Variants in UBA7 observed in about 807,000 individuals in gnomAD.
UBA7 encodes ubiquitin-like modifier-activating enzyme 7.
In UBA7, 88 loss-of-function variants were observed where a neutral mutation model predicts 113.0. The observed-to-expected ratio is 0.78, with a 90% CI of 0.66 to 0.93. The LOEUF (loss-of-function observed/expected upper bound fraction) is 0.93. Ranked by LOEUF, UBA7 falls within the 40% of genes least tolerant of loss-of-function variation. UBA7 has a pLI of 0.00. For missense variants in UBA7, 1,092 were observed against 1,266.4 expected (o/e 0.86, Z 2.09); for synonymous variants, 459 against 513.0 (o/e 0.89, Z 1.42).
In UBA7 at chr3:49,807,764, T is replaced by G. The variant is rs776678207; in HGVS notation, c.2687A>C (p.Tyr896Ser). The G allele has an allele frequency of 6.2e-7, 1 of 1,612,608 alleles. No homozygotes were observed. Among genetic ancestry groups the G allele is most frequent in the African/African-American group, 1.3e-5 (1 of 74,980 alleles). The change falls in exon 21 of 24, where the codon TAT (tyrosine) becomes TCT (serine). Residue 896 changes from tyrosine (Y) to serine (S), a missense_variant. Coordinates refer to ENST00000333486, the MANE Select transcript of UBA7 (RefSeq NM_003335.3). The surrounding 1 kb of genome is among the most constrained non-coding windows in gnomAD (Gnocchi z 4.0). ...LHLAENYLIR[Y>S]MPFAPAIQTF... ...CTGGATGGCTGGGGCAAAAGGCATA[T>G]AGCGGATGAGGTAGTTTTCAGCCAG... is the stretch of plus-strand genomic sequence containing the variant.
chr3:49,811,493 T>C (rs2081546301), intron 8 of UBA7, 38 bp from the exon 9 acceptor site: 2 of 1,551,780 alleles, frequency 1.3e-6, no homozygotes, highest in African/African-American at 2.7e-5. Context: ...AGCCCCAGCC[T>C]GAGCTCTACT....
Position 49,810,289 on chromosome 3 carries a change from G to A in UBA7, c.1607C>T (p.Ala536Val), listed in dbSNP as rs755638967. The change falls in exon 13 of 24, where the codon GCT becomes GTT. Residue 536 changes from alanine to valine, a missense_variant. Coordinates refer to ENST00000333486, the MANE Select transcript of UBA7 (RefSeq NM_003335.3). This position sits in a 1 kb window ranked among gnomAD's most constrained non-coding sequence, Gnocchi z 5.6. ...DNFFSRVDGV[A>V]AALDSFQARR... ...GGCCTGGAAACTGTCCAGGGCAGCA[G>A]CCACACCATCCACACGGGAGAAAAA... 1 of 1,613,968 alleles carries A rather than the reference G, an allele frequency of 6.2e-7. No individual in the cohort carries two copies. Among genetic ancestry groups the A allele is most frequent in the African/African-American group, 1.3e-5 (1 of 74,910 alleles).
chr3:49,809,505 C>T (rs751085138), intron 16 of UBA7, 37 bp downstream of exon 16: 1 of 1,613,792 alleles, frequency 6.2e-7, no homozygotes. Flanking sequence ...AGTCTGGTCC[C>T]CCTGAGCCCC....
At chr3:49,805,868 G>A (rs1482828201) in intron 23 of UBA7, 29 bp downstream of exon 23, 2 of 1,546,322 alleles carry the variant, frequency 1.3e-6, no homozygotes, top group Admixed American at 3.9e-5. Context: ...GGACTGGTGG[G>A]GCCTGTCTAA....
In UBA7 at chr3:49,810,205, A is replaced by C; in HGVS notation, c.1634-22T>G. ...CGCCCTGGCAAGGGAGCAGTGGGTC[A>C]GAAGTGGGACTGGCACAGCTGTGGG... On this transcript the variant is annotated intron_variant, in intron 13 of 23. Transcript: ENST00000333486. This position sits in a 1 kb window ranked among gnomAD's most constrained non-coding sequence, Gnocchi z 5.6. The C allele has an allele frequency of 6.2e-7, 1 of 1,612,786 alleles. No individual in the cohort carries two copies. The highest frequency in any genetic ancestry group is 1.1e-5 in the South Asian group (1 of 91,066).
In UBA7 at chr3:49,805,970, G is replaced by A. The variant is rs1215772359; in HGVS notation, c.2836C>T (p.Leu946=). Residue 946 remains leucine (L), a synonymous_variant, in exon 23 of 24, where the codon CTG becomes TTG. Transcript: ENST00000333486. ...QEQHGLRVRI[L]LHGSALLYAA... ...TAGAGCAGGGCTGAGCCGTGCAGCAGGATCCTCACCCTCAACCCGTGCTGC... is the reference window on the plus strand; with the variant it reads ...TAGAGCAGGGCTGAGCCGTGCAGCAAGATCCTCACCCTCAACCCGTGCTGC... 6.4e-7 allele frequency: 1 copy of A among 1,566,942 alleles called. No individual in the cohort carries two copies. The highest frequency in any genetic ancestry group is 1.2e-5 in the South Asian group (1 of 85,180).
chr3:49,813,330 C>T lies in UBA7; in HGVS notation c.279G>A (p.Glu93=), dbSNP rs757765910. The change falls in exon 3 of 24, where the codon GAG becomes GAA. Residue 93 remains glutamate (E), a synonymous_variant. Transcript: ENST00000333486. ...LERSRAEASQ[E]LLAQLNRAVQ... ...CAGCTCTGTTGAGCTGAGCCAAGAG[C>T]TCTTGAGAGGCCTCGGCTCTGCTCC... The T allele has an allele frequency of 4.2e-5, 68 of 1,614,094 alleles. No individual in the cohort carries two copies. Among genetic ancestry groups the T allele is most frequent in the Non-Finnish European group, 5.5e-5 (65 of 1,180,054 alleles).
In UBA7 at chr3:49,807,916, A is replaced by G; in HGVS notation, c.2535T>C (p.Ile845=). Residue 845 remains isoleucine (I), a synonymous_variant, in exon 21 of 24, where the codon ATT becomes ATC. Coordinates refer to ENST00000333486, the MANE Select transcript of UBA7 (RefSeq NM_003335.3). The surrounding 1 kb of genome is among the most constrained non-coding windows in gnomAD (Gnocchi z 4.0). ...PPVNRAQSKR[I]VGQIIPAIAT... is the part of the protein sequence containing the mutation. ...CAATGGCTGGGATAATCTGGCCCACAATTCGCTTGCTCTGCCAAGGACAAG... is the reference window on the plus strand; with the variant it reads ...CAATGGCTGGGATAATCTGGCCCACGATTCGCTTGCTCTGCCAAGGACAAG... 1 of 1,612,340 alleles carries G rather than the reference A, an allele frequency of 6.2e-7. No individual in the cohort carries two copies. The highest frequency in any genetic ancestry group is 1.1e-5 in the South Asian group (1 of 91,028).
chr3:49,813,166 C>G lies in UBA7; in HGVS notation c.363G>C (p.Val121=). 3 of 1,614,032 alleles carry G rather than the reference C, an allele frequency of 1.9e-6. No homozygotes were observed. The highest frequency in any genetic ancestry group is 2.2e-5 in the South Asian group (2 of 91,056). The change falls in exon 4 of 24, where the codon GTG becomes GTC. Residue 121 remains valine, a splice_region_variant and synonymous_variant. Coordinates refer to ENST00000333486, the MANE Select transcript of UBA7 (RefSeq NM_003335.3). Reference sequence around the variant, plus strand: ...CCAGCTTTGCAGCAGTCAGCACCACCACCTGGGTGGACACAGTGATCAGCA... The same window carrying G: ...CCAGCTTTGCAGCAGTCAGCACCACGACCTGGGTGGACACAGTGATCAGCA... The part of the protein sequence containing the change: ...ITEDLLLDFQ[V]VVLTAAKLEE...
intron 18 of UBA7, 70 bp from the exon 19 acceptor site, chr3:49,808,538 C>A: frequency 6.6e-7 from 1 of 1,523,036 alleles, no homozygotes; most frequent in South Asian, 1.2e-5. Context: ...AGCCCTGTGC[C>A]TATTCTTGGT....
chr3:49,810,230 G>A lies in UBA7; in HGVS notation c.1633+33C>T. On this transcript the variant is annotated intron_variant, in intron 13 of 23. Transcript: ENST00000333486. The surrounding 1 kb of genome is among the most constrained non-coding windows in gnomAD (Gnocchi z 5.6). ...AGAAGTGGGACTGGCACAGCTGTGG[G>A]CAAGGGACTGACCTCCGAAGTCAAG... The A allele has an allele frequency of 1.2e-6, 2 of 1,613,208 alleles. No individual in the cohort carries two copies. Among genetic ancestry groups the A allele is most frequent in the Non-Finnish European group, 1.7e-6 (2 of 1,179,544 alleles).
At chr3:49,808,285 G>T in intron 19 of UBA7, 101 bp downstream of exon 19, 1 of 1,541,612 alleles carries the variant, frequency 6.5e-7, no homozygotes, top group South Asian at 1.1e-5. Flanking sequence ...GGGTCTTGCT[G>T]GGAGAATTCA....
Position 49,810,216 on chromosome 3 carries a change from T to C in UBA7, c.1634-33A>G. On this transcript the variant is annotated intron_variant, in intron 13 of 23. Transcript: ENST00000333486. This position sits in a 1 kb window ranked among gnomAD's most constrained non-coding sequence, Gnocchi z 5.6. The stretch of plus-strand genomic sequence containing the variant: ...GGGAGCAGTGGGTCAGAAGTGGGAC[T>C]GGCACAGCTGTGGGCAAGGGACTGA... 6.2e-7 allele frequency: 1 copy of C among 1,612,588 alleles called. No homozygotes were observed. The highest frequency in any genetic ancestry group is 8.5e-7 in the Non-Finnish European group (1 of 1,179,070).
rs143175744 is a variant in UBA7, at chr3:49,810,395, G to A, written c.1501C>T (p.Arg501Trp). 367 of 1,614,008 alleles carry A rather than the reference G, an allele frequency of 2.3e-4. 1 individual carries two copies. Among genetic ancestry groups the A allele is most frequent in the Admixed American group, 2.5e-4 (15 of 59,988 alleles). ...PKAEVAAAAARGLNPDLQVIP... is the reference protein window; with the variant it reads ...PKAEVAAAAAWGLNPDLQVIP... ...ACCTGTAAGTCTGGGTTCAGGCCCC[G>A]GGCAGCTGCTGCAGCCACCTCTGCC... The change falls in exon 13 of 24, where the codon CGG becomes TGG. Residue 501 changes from arginine to tryptophan, a missense_variant. Transcript: ENST00000333486. This position sits in a 1 kb window ranked among gnomAD's most constrained non-coding sequence, Gnocchi z 5.6.
chr3:49,805,959 G>T lies in UBA7; in HGVS notation c.2847C>A (p.Gly949=). ...HGLRVRILLH[G]SALLYAAGWS... is the part of the protein sequence containing the mutation. Reference sequence around the variant, plus strand: ...ATCCGGCCGCATAGAGCAGGGCTGAGCCGTGCAGCAGGATCCTCACCCTCA... The same window carrying T: ...ATCCGGCCGCATAGAGCAGGGCTGATCCGTGCAGCAGGATCCTCACCCTCA... The change falls in exon 23 of 24, where the codon GGC becomes GGA. Residue 949 remains glycine, a synonymous_variant. Transcript: ENST00000333486. 1 of 1,566,222 alleles carries T rather than the reference G, an allele frequency of 6.4e-7. No individual in the cohort carries two copies. Among genetic ancestry groups the T allele is most frequent in the Non-Finnish European group, 8.7e-7 (1 of 1,155,342 alleles).
In UBA7 at chr3:49,810,639, T is replaced by C; in HGVS notation, c.1345A>G (p.Lys449Glu). Reference protein sequence around the residue: ...GAGAIGCELLKVFALVGLGAG... With the variant: ...GAGAIGCELLEVFALVGLGAG... Reference sequence around the variant, plus strand: ...CCCAGTCCCACTAGGGCAAAGACTTTGAGCAGCTCACAACCAATGGCACCA... The same window carrying C: ...CCCAGTCCCACTAGGGCAAAGACTTCGAGCAGCTCACAACCAATGGCACCA... Residue 449 changes from lysine (K) to glutamate (E), a missense_variant, in exon 12 of 24, where the codon AAA becomes GAA. Around this residue, in one of 3 missense-constraint regions of UBA7, gnomAD observed 584 missense variants for 714.5 expected, o/e 0.82. Coordinates refer to ENST00000333486, the MANE Select transcript of UBA7 (RefSeq NM_003335.3). This position sits in a 1 kb window ranked among gnomAD's most constrained non-coding sequence, Gnocchi z 5.6. The C allele has an allele frequency of 6.2e-7, 1 of 1,614,120 alleles. No homozygotes were observed. The highest frequency in any genetic ancestry group is 8.5e-7 in the Non-Finnish European group (1 of 1,179,998).
chr3:49,812,490 A>G lies in UBA7; in HGVS notation c.612T>C (p.Arg204=). 1 of 1,614,208 alleles carries G rather than the reference A, an allele frequency of 6.2e-7. No homozygotes were observed. The highest frequency in any genetic ancestry group is 1.1e-5 in the South Asian group (1 of 91,086). ...CCGAGAAAGTCACCAAGTCTCCATC[A>G]CGGAAGTAGTGGGTATTGGCCCCTT... ...LRKGANTHYF[R]DGDLVTFSGI... Residue 204 remains arginine (R), a synonymous_variant, in exon 6 of 24, where the codon CGT becomes CGC. Coordinates refer to ENST00000333486, the MANE Select transcript of UBA7 (RefSeq NM_003335.3).
At position 49,810,425 on chromosome 3, in the gene UBA7, G is replaced by T; in HGVS notation, c.1471C>A (p.Pro491Thr). 4 of 1,614,154 alleles carry T rather than the reference G, an allele frequency of 2.5e-6. No individual in the cohort carries two copies. The highest frequency in any genetic ancestry group is 3.4e-6 in the Non-Finnish European group (4 of 1,180,012). ...FLFRSQDVGR[P>T]KAEVAAAAAR... ...GCTGCTGCAGCCACCTCTGCCTTGG[G>T]TCTCTGGGAAGAAGGCAGGAAGATG... Residue 491 changes from proline to threonine, a missense_variant, in exon 13 of 24, where the codon CCC becomes ACC. By Grantham distance (38) the Pro-to-Thr change is conservative. This residue lies in a region of UBA7 where 584 missense variants were observed against 714.5 expected (regional missense o/e 0.82). Transcript: ENST00000333486. The surrounding 1 kb of genome is among the most constrained non-coding windows in gnomAD (Gnocchi z 5.6).
Position 49,813,442 on chromosome 3 carries a change from C to T in UBA7, c.225+37G>A, listed in dbSNP as rs186731849. ...CACTCCTCTTGGGCCGTGCCCCCAC[C>T]TTGGTCTGGCAGCCCATAGCCCCCC... On this transcript the variant is annotated intron_variant, in intron 2 of 23. Coordinates refer to ENST00000333486, the MANE Select transcript of UBA7 (RefSeq NM_003335.3). 496 of 1,609,090 alleles carry T rather than the reference C, an allele frequency of 3.1e-4. 1 individual carries two copies. Among genetic ancestry groups the T allele is most frequent in the Non-Finnish European group, 3.1e-4 (366 of 1,176,796 alleles).
Sources: allele counts gnomAD v4.1 joint callset, GRCh38; gene constraint gnomAD v4.1.1; regional missense constraint gnomAD v4.1.1; non-coding constraint Gnocchi (gnomAD v3.1); transcripts MANE v1.5; gene names NCBI Gene and HGNC (gene_info 2026-07-23, HGNC 2026-07-21).